SLC38A6: variants seen among roughly 807,000 people sequenced by gnomAD.
The protein encoded by SLC38A6 is N system amino acid transporter NAT-1.
SLC38A6 carries 73 observed loss-of-function variants against 65.0 expected under a neutral mutation model. The ratio of observed to expected loss-of-function variants is 1.12; its 90% confidence interval spans 0.93 to 1.37. SLC38A6 has a LOEUF of 1.37. Among genes scored for constraint, SLC38A6 ranks in the 40% most tolerant of loss-of-function variants. SLC38A6 has a pLI of 0.00. For synonymous variants in SLC38A6, 183 were observed against 178.8 expected, an observed-to-expected ratio of 1.02 and a Z score of -0.19; for missense variants, 561 against 531.1, an observed-to-expected ratio of 1.06 and a Z score of -0.55.
intron 6 of SLC38A6, among the ~76,000 whole-genome samples, chr14:61,035,289 G>T (rs2041279144): frequency 6.6e-6 from 1 of 152,110 alleles, no homozygotes; most frequent in Non-Finnish European, 1.5e-5. Flanking sequence ...CCTAGTCACT[G>T]TCCTTTTAAT....
At chr14:61,069,778 C>T (rs2043163493) in intron 15 of SLC38A6, among the ~76,000 whole-genome samples, 1 of 152,118 alleles carries the variant, frequency 6.6e-6, no homozygotes, top group Non-Finnish European at 1.5e-5. Flanking sequence ...GGGTAATGTG[C>T]ACATGGTACA....
At chr14:61,011,591 T>C (rs1402153250) in intron 3 of SLC38A6, among the ~76,000 whole-genome samples, 1 of 152,172 alleles carries the variant, frequency 6.6e-6, no homozygotes, top group Non-Finnish European at 1.5e-5. Flanking sequence ...TTAGCATGAA[T>C]GGGCTGTTGA....
chr14:61,048,364 A>G (rs2042289689), intron 12 of SLC38A6: 1 of 319,822 alleles, frequency 3.1e-6, no homozygotes, highest in Admixed American at 4.2e-5. Flanking sequence ...TAAACTTAAT[A>G]CCCTGTTTGA....
rs1177948548 is a variant in SLC38A6, at chr14:61,019,419, T to C, written c.364-122T>C. The C allele has an allele frequency of 8.7e-6, 7 of 804,366 alleles. No homozygotes were observed. The East Asian group carries it at 1.0e-4, about 12-fold the overall frequency. 49.8% of individuals were successfully genotyped at this position (804,366 alleles called of 1,614,324 possible). ...TTTCAAATGACTGGCAGATTTCTTT[T>C]TAGTTTCTCCTCACAACTTCTGCAT... On this transcript the variant is annotated intron_variant, in intron 4 of 15. Coordinates refer to ENST00000267488, the MANE Select transcript of SLC38A6 (RefSeq NM_153811.3).
intron 3 of SLC38A6, among the ~76,000 whole-genome samples, chr14:60,990,623 C>A (rs2037795075): frequency 6.6e-6 from 1 of 152,056 alleles, no homozygotes; most frequent in Admixed American, 6.6e-5. Context: ...CCATACTGTT[C>A]CCTTCACTTC....
At chr14:61,072,978 T>A (rs1292277555) in intron 15 of SLC38A6, among the ~76,000 whole-genome samples, 2 of 152,210 alleles carry the variant, frequency 1.3e-5, no homozygotes, top group African/African-American at 4.8e-5. Flanking sequence ...GTGGTTGTAC[T>A]AATTTACATC....
intron 8 of SLC38A6, among the ~76,000 whole-genome samples, chr14:61,042,065 T>G (rs2041850338): frequency 6.6e-6 from 1 of 152,182 alleles, no homozygotes; most frequent in Non-Finnish European, 1.5e-5. Flanking sequence ...GACCGTTTCA[T>G]TTTATGTCAT....
At chr14:61,034,366 A>G (rs1426499721) in intron 6 of SLC38A6, 2 of 151,336 alleles carry the variant, frequency 1.3e-5, no homozygotes, top group South Asian at 4.2e-4. Flanking sequence ...TTTTTGTTTT[A>G]TTTTATTACG....
intron 3 of SLC38A6, among the ~76,000 whole-genome samples, chr14:60,996,467 G>C (rs2038300198): frequency 6.6e-6 from 1 of 151,936 alleles, no homozygotes; most frequent in Non-Finnish European, 1.5e-5. Context: ...GAAAATGGGA[G>C]AGAAAAGATA....
At chr14:61,045,061 C>A (rs1315685133) in intron 10 of SLC38A6, among the ~76,000 whole-genome samples, 3 of 151,790 alleles carry the variant, frequency 2.0e-5, no homozygotes, top group African/African-American at 7.3e-5. Context: ...AAATCTTATC[C>A]AGATAATGTA....
intron 3 of SLC38A6, among the ~76,000 whole-genome samples, chr14:61,011,369 T>C (rs1378144499): frequency 6.6e-6 from 1 of 152,088 alleles, no homozygotes; most frequent in East Asian, 1.9e-4. Context: ...GAATACCCTT[T>C]ATTTCCTTCT....
chr14:61,040,328 C>T (rs979011236), intron 8 of SLC38A6, among the ~76,000 whole-genome samples: 24 of 151,424 alleles, frequency 1.6e-4, no homozygotes, highest in African/African-American at 3.6e-4. Flanking sequence ...CATACCACCA[C>T]GCCTGGATAA....
intron 15 of SLC38A6, among the ~76,000 whole-genome samples, chr14:61,076,324 A>G (rs2043417426): frequency 1.3e-5 from 2 of 152,242 alleles, no homozygotes; most frequent in South Asian, 4.1e-4. Flanking sequence ...CTTTAAATGA[A>G]TGGAAGATCA....
intron 2 of SLC38A6, among the ~76,000 whole-genome samples, chr14:60,984,369 C>T (rs2037296182): frequency 6.6e-6 from 1 of 152,048 alleles, no homozygotes. Flanking sequence ...AGTAAAACTT[C>T]TGTTTAGACT....
intron 12 of SLC38A6, 54 bp downstream of exon 12, chr14:61,046,221 C>T (rs2042139834): frequency 6.0e-6 from 7 of 1,165,000 alleles, no homozygotes; most frequent in Non-Finnish European, 8.8e-6. Flanking sequence ...TAGATGGCCT[C>T]ACGCCAATCT....
intron 5 of SLC38A6, among the ~76,000 whole-genome samples, chr14:61,022,467 G>GTA (rs61566181): frequency 0.029 from 4,232 of 147,444 alleles, 126 homozygotes; most frequent in African/African-American, 0.07. Flanking sequence ...TATTAAATAA[G>GTA]TATATATATA....
intron 16 of SLC38A6, among the ~76,000 whole-genome samples, chr14:61,081,640 C>T (rs1447190747): frequency 6.6e-6 from 1 of 151,986 alleles, no homozygotes; most frequent in Admixed American, 6.5e-5. Context: ...AGCCAATACC[C>T]GCCACTGCAC....
chr14:61,015,090 C>T (rs2039899056), intron 3 of SLC38A6, among the ~76,000 whole-genome samples: 1 of 152,216 alleles, frequency 6.6e-6, no homozygotes, highest in Non-Finnish European at 1.5e-5. Flanking sequence ...TGGCAGCGCC[C>T]ATCCCCCAGC....
chr14:61,048,042 G>T, intron 12 of SLC38A6: 1 of 401,790 alleles, frequency 2.5e-6, no homozygotes, highest in Non-Finnish European at 4.9e-6. Flanking sequence ...TAGAATAAAT[G>T]ATACAAAAGT....
Sources: allele counts gnomAD v4.1 joint callset (sites outside exome capture counted in the v4.1 genomes callset), GRCh38; gene constraint gnomAD v4.1.1; transcripts MANE v1.5; gene names NCBI Gene and HGNC (gene_info 2026-07-23, HGNC 2026-07-21).